Variants in WWOX observed in about 807,000 individuals in gnomAD.
The protein encoded by WWOX is WW domain-containing oxidoreductase.
Under a neutral mutation model 46.2 loss-of-function variants are expected in WWOX, and 69 were observed. The ratio of observed to expected loss-of-function variants is 1.49; its 90% CI spans 1.23 to 1.82. The LOEUF is 1.82. WWOX is among the 40% of genes most tolerant of loss of function. The pLI, the probability that WWOX is intolerant of heterozygous loss-of-function variation, is 0.00. For synonymous variants in WWOX, 359 were observed against 202.6 expected, an observed-to-expected ratio of 1.77 and a Z score of -6.56; for missense variants, 919 against 542.6, an observed-to-expected ratio of 1.69 and a Z score of -6.89.
intron 8 of WWOX, among the ~76,000 whole-genome samples, chr16:78,487,885 G>A (rs1225620043): frequency 6.6e-6 from 1 of 152,114 alleles, no homozygotes; most frequent in South Asian, 2.1e-4. Context: ...GCAACCTTAT[G>A]TCACCAAATT....
At chr16:78,906,705 C>A (rs892493943) in intron 8 of WWOX, among the ~76,000 whole-genome samples, 1 of 152,198 alleles carries the variant, frequency 6.6e-6, no homozygotes, top group Non-Finnish European at 1.5e-5. Context: ...CTTATCCTGT[C>A]AGCTCTATGG....
intron 8 of WWOX, among the ~76,000 whole-genome samples, chr16:78,664,907 A>G (rs565755237): frequency 6.6e-6 from 1 of 152,320 alleles, no homozygotes; most frequent in African/African-American, 2.4e-5. Flanking sequence ...TTACAATGTG[A>G]CTGGAATTGG....
At chr16:78,798,011 A>G (rs1198713521) in intron 8 of WWOX, among the ~76,000 whole-genome samples, 2 of 152,164 alleles carry the variant, frequency 1.3e-5, no homozygotes, top group South Asian at 4.1e-4. Flanking sequence ...AAAGTCTACT[A>G]AAAATTCACT....
chr16:78,509,819 C>T (rs1236568050), intron 8 of WWOX, among the ~76,000 whole-genome samples: 1 of 151,766 alleles, frequency 6.6e-6, no homozygotes, highest in Non-Finnish European at 1.5e-5. Context: ...ATTGAGGAAG[C>T]CGTGTGGCTC....
At chr16:78,491,531 C>G (rs2084784356) in intron 8 of WWOX, among the ~76,000 whole-genome samples, 1 of 152,110 alleles carries the variant, frequency 6.6e-6, no homozygotes, top group African/African-American at 2.4e-5. Context: ...GGCAGAGTCT[C>G]TGTGCACTGC....
intron 8 of WWOX, among the ~76,000 whole-genome samples, chr16:78,801,250 C>G (rs898216729): frequency 6.6e-6 from 1 of 152,264 alleles, no homozygotes; most frequent in South Asian, 2.1e-4. Context: ...TGGCTCATGC[C>G]TGTAATCCCA....
At chr16:78,887,471 ACACAC>A (rs2044490558) in intron 8 of WWOX, among the ~76,000 whole-genome samples, 5 of 1,004 alleles carry the variant, frequency 5.0e-3, no homozygotes. Flanking sequence ...TATATAAAAC[ACACAC>A]ACACACACAC....
intron 8 of WWOX, among the ~76,000 whole-genome samples, chr16:79,147,670 A>C (rs1393172481): frequency 1.3e-5 from 2 of 152,216 alleles, no homozygotes; most frequent in Non-Finnish European, 2.9e-5. Flanking sequence ...AGAAACTGTC[A>C]AGCTGTTTCC....
intron 8 of WWOX, among the ~76,000 whole-genome samples, chr16:78,665,768 TC>T (rs2047316184): frequency 6.6e-6 from 1 of 152,160 alleles, no homozygotes; most frequent in Admixed American, 6.5e-5. Context: ...CACTGCAACC[TC>T]CACCTCCTGG....
intron 8 of WWOX, among the ~76,000 whole-genome samples, chr16:78,439,668 C>T (rs1045376219): frequency 1.3e-5 from 2 of 152,202 alleles, no homozygotes; most frequent in Non-Finnish European, 2.9e-5. Context: ...TAATTTTCTA[C>T]ATCAGTTTAG....
intron 5 of WWOX, among the ~76,000 whole-genome samples, chr16:78,165,218 G>A (rs1229641216): frequency 6.6e-6 from 1 of 152,146 alleles, no homozygotes; most frequent in Non-Finnish European, 1.5e-5. Context: ...TTGAAACATC[G>A]CTGGATTTCA....
intron 8 of WWOX, among the ~76,000 whole-genome samples, chr16:78,511,187 G>A (rs1006449773): frequency 2.0e-5 from 3 of 152,106 alleles, no homozygotes; most frequent in Admixed American, 6.5e-5. Context: ...GGCAGAAGAC[G>A]GCTGTCATTA....
At chr16:78,769,326 T>A (rs1050694563) in intron 8 of WWOX, among the ~76,000 whole-genome samples, 2 of 152,134 alleles carry the variant, frequency 1.3e-5, no homozygotes, top group African/African-American at 4.8e-5. Flanking sequence ...CCTCCCTCCA[T>A]CCTTTCTCTT....
chr16:78,961,128 A>G (rs986664094), intron 8 of WWOX, among the ~76,000 whole-genome samples: 1 of 152,190 alleles, frequency 6.6e-6, no homozygotes, highest in African/African-American at 2.4e-5. Flanking sequence ...ACTCAAGCCA[A>G]GCATTCAATG....
intron 8 of WWOX, among the ~76,000 whole-genome samples, chr16:78,769,537 A>C (rs1439314122): frequency 0.17 from 233 of 1,388 alleles, 1 homozygote; most frequent in South Asian, 0.36. Flanking sequence ...CACATTATTT[A>C]TTTATTTATT....
chr16:78,776,518 T>G lies in WWOX; in HGVS notation c.1056+343766T>G, dbSNP rs142956460. ...ACCTGGAAAAGTGTTTAGGAAACCT[T>G]GACATGATGACCTGTTTAGCAGCAG... On this transcript the variant is annotated intron_variant, in intron 8 of 8. Coordinates refer to ENST00000566780, the MANE Select transcript of WWOX (RefSeq NM_016373.4). Among the ~76,000 whole-genome samples the G allele has an allele frequency of 4.7e-3, 709 of 152,242 alleles. 6 individuals carry two copies. The highest frequency in any genetic ancestry group is 0.02 in the South Asian group (95 of 4,814).
At chr16:78,632,107 G>A (rs374855359) in intron 8 of WWOX, among the ~76,000 whole-genome samples, 3 of 152,150 alleles carry the variant, frequency 2.0e-5, no homozygotes, top group South Asian at 2.1e-4. Context: ...GCAAGGAGCT[G>A]CTTGATAGAA....
chr16:78,548,275 G>A (rs1223893470), intron 8 of WWOX, among the ~76,000 whole-genome samples: 1 of 151,324 alleles, frequency 6.6e-6, no homozygotes, highest in East Asian at 1.9e-4. Flanking sequence ...CAAAAACTTG[G>A]CAGTAGCCCT....
intron 8 of WWOX, among the ~76,000 whole-genome samples, chr16:78,764,486 C>T (rs978734506): frequency 6.8e-6 from 1 of 147,636 alleles, no homozygotes; most frequent in East Asian, 2.0e-4. Context: ...TGTTTTCATC[C>T]AAACCAGTTA....
Sources: allele counts gnomAD v4.1 joint callset (sites outside exome capture counted in the v4.1 genomes callset), GRCh38; gene constraint gnomAD v4.1.1; transcripts MANE v1.5; gene names NCBI Gene and HGNC (gene_info 2026-07-23, HGNC 2026-07-21).